Variants in MSI2 observed in about 807,000 individuals in gnomAD.
MSI2 encodes RNA-binding protein Musashi homolog 2.
MSI2 carries 17 observed loss-of-function variants against 45.6 expected under a neutral mutation model. That is an observed-to-expected ratio of 0.37 (90% CI 0.26 to 0.56). The LOEUF (loss-of-function observed/expected upper bound fraction) is 0.56, where lower values mean the gene tolerates loss of function less well. Among genes scored for constraint, MSI2 ranks in the 20% least tolerant of loss-of-function variants. The pLI is 0.77. For synonymous variants in MSI2, 156 were observed against 158.2 expected (o/e 0.99, Z 0.11); for missense variants, 293 against 444.2 (o/e 0.66, Z 3.06).
chr17:57,582,838 A>G (rs939522380), intron 7 of MSI2, among the ~76,000 whole-genome samples: 9 of 152,194 alleles, frequency 5.9e-5, no homozygotes, highest in African/African-American at 1.9e-4. Flanking sequence ...ATGAATCTTT[A>G]CAGTTCTGTT....
At chr17:57,465,786 A>G (rs1447286460) in intron 6 of MSI2, among the ~76,000 whole-genome samples, 1 of 152,170 alleles carries the variant, frequency 6.6e-6, no homozygotes, top group Non-Finnish European at 1.5e-5. Context: ...CCAGAAACCC[A>G]AACTCTACTT....
At chr17:57,504,996 A>C (rs190709646) in intron 6 of MSI2, among the ~76,000 whole-genome samples, 104 of 152,028 alleles carry the variant, frequency 6.8e-4, no homozygotes, top group African/African-American at 2.3e-3. Context: ...AAAGGAAGAA[A>C]TAATAGAATG....
chr17:57,636,952 G>A (rs2144640407), intron 10 of MSI2, among the ~76,000 whole-genome samples: 1 of 152,334 alleles, frequency 6.6e-6, no homozygotes, highest in South Asian at 2.1e-4. Flanking sequence ...CCAGCTAGAT[G>A]CTGCAGCACT....
intron 7 of MSI2, among the ~76,000 whole-genome samples, chr17:57,556,080 A>G (rs1028209930): frequency 6.6e-6 from 1 of 152,232 alleles, no homozygotes; most frequent in Non-Finnish European, 1.5e-5. Flanking sequence ...CTGGATTGGA[A>G]TTGAGTGGGG....
At chr17:57,304,357 CAAAAAA>C (rs146857564) in intron 5 of MSI2, among the ~76,000 whole-genome samples, 2 of 55,112 alleles carry the variant, frequency 3.6e-5, no homozygotes, top group African/African-American at 1.3e-4. Flanking sequence ...ACTCTGTCTC[CAAAAAA>C]AAAAAAAAAG....
chr17:57,344,275 T>C (rs911985884), intron 5 of MSI2, among the ~76,000 whole-genome samples: 1 of 152,230 alleles, frequency 6.6e-6, no homozygotes, highest in African/African-American at 2.4e-5. Flanking sequence ...CTTATAGATA[T>C]GGACCCATGG....
At chr17:57,658,810 G>A (rs1466310838) in intron 11 of MSI2, among the ~76,000 whole-genome samples, 1 of 152,186 alleles carries the variant, frequency 6.6e-6, no homozygotes, top group Non-Finnish European at 1.5e-5. Context: ...AGGAGCTCAG[G>A]CCCAGCTGTC....
At chr17:57,455,391 C>G (rs2085093623) in intron 6 of MSI2, among the ~76,000 whole-genome samples, 1 of 152,176 alleles carries the variant, frequency 6.6e-6, no homozygotes, top group Middle Eastern at 3.2e-3. Flanking sequence ...TGTGAATTAG[C>G]ATGTTTTTCT....
At chr17:57,462,370 G>A (rs1277029016) in intron 6 of MSI2, among the ~76,000 whole-genome samples, 1 of 152,160 alleles carries the variant, frequency 6.6e-6, no homozygotes, top group Non-Finnish European at 1.5e-5. Context: ...GGTGCCTCCT[G>A]GGCTGCCAGC....
intron 5 of MSI2, among the ~76,000 whole-genome samples, chr17:57,334,629 A>G (rs1914543417): frequency 6.6e-6 from 1 of 152,222 alleles, no homozygotes; most frequent in East Asian, 1.9e-4. Context: ...CTCCGTCTCT[A>G]CTAAAAATAC....
rs548257491 is a variant in MSI2, at chr17:57,271,905, A to G, written c.312+9713A>G. 3.3e-5 allele frequency among the ~76,000 whole-genome samples: 5 copies of G among 152,222 alleles called. No homozygotes were observed. The East Asian group carries it at 5.8e-4, about 18-fold the overall frequency. On this transcript the variant is annotated intron_variant, in intron 5 of 13. Coordinates refer to ENST00000284073, the MANE Select transcript of MSI2 (RefSeq NM_138962.4). ...TATAAAAGTTTTTTTCTTTTCTGCC[A>G]TCAAAGCTTTTGATAGTTTCCTAAA... is the stretch of plus-strand genomic sequence containing the variant.
chr17:57,663,930 C>T (rs1187376307), intron 11 of MSI2, among the ~76,000 whole-genome samples: 2 of 152,008 alleles, frequency 1.3e-5, no homozygotes, highest in African/African-American at 2.4e-5. Context: ...AGCTGAGAGG[C>T]TTGCTTTCTA....
chr17:57,587,501 C>T (rs958398840), intron 7 of MSI2, among the ~76,000 whole-genome samples: 1 of 152,162 alleles, frequency 6.6e-6, no homozygotes, highest in Non-Finnish European at 1.5e-5. Flanking sequence ...TCTGATAGTG[C>T]CATTTCTGTT....
At chr17:57,279,033 G>A (rs1441493136) in intron 5 of MSI2, 1 of 152,142 alleles carries the variant, frequency 6.6e-6, no homozygotes, top group South Asian at 2.1e-4. Flanking sequence ...CCTGATACAG[G>A]TGTTCTAGGT....
chr17:57,687,016 A>C (rs987438130), downstream of MSI2, among the ~76,000 whole-genome samples: 21 of 127,000 alleles, frequency 1.7e-4, no homozygotes, highest in Admixed American at 5.2e-4. Flanking sequence ...CCCCCCCCCC[A>C]AAAAATTTTA....
chr17:57,649,375 G>C (rs1910949520), intron 10 of MSI2, among the ~76,000 whole-genome samples: 1 of 147,788 alleles, frequency 6.8e-6, no homozygotes, highest in Non-Finnish European at 1.5e-5. Context: ...TAACACACAT[G>C]TACTCAACAC....
chr17:57,516,944 C>A (rs2086481518), intron 6 of MSI2, among the ~76,000 whole-genome samples: 1 of 152,210 alleles, frequency 6.6e-6, no homozygotes, highest in Admixed American at 6.5e-5. Context: ...GGACTCATAT[C>A]CTTTTTATCC....
At chr17:57,324,848 G>A (rs760490510) in intron 5 of MSI2, among the ~76,000 whole-genome samples, 18 of 152,256 alleles carry the variant, frequency 1.2e-4, no homozygotes, top group Admixed American at 2.6e-4. Flanking sequence ...GAGCCACTGG[G>A]GCAGGGACTG....
intron 6 of MSI2, among the ~76,000 whole-genome samples, chr17:57,452,658 C>T (rs987939837): frequency 2.2e-4 from 33 of 152,282 alleles, no homozygotes; most frequent in African/African-American, 6.0e-4. Context: ...TAAGATGGTT[C>T]GGATTTGAAG....
Sources: gnomAD v4.1 joint callset for allele counts (sites outside exome capture counted in the v4.1 genomes callset) on GRCh38, gnomAD v4.1.1 for gene constraint, MANE v1.5 for transcripts, NCBI Gene and HGNC (gene_info 2026-07-23, HGNC 2026-07-21) for gene names.